ATP13A5: variants seen among roughly 807,000 people sequenced by gnomAD.
ATP13A5 encodes the protein probable cation-transporting ATPase 13A5.
A neutral mutation model predicts 150.2 loss-of-function variants in ATP13A5; 149 were observed. That is an observed-to-expected ratio of 0.99 (90% confidence interval 0.87 to 1.14). ATP13A5 has a LOEUF of 1.14. Ranked by LOEUF, ATP13A5 falls within the 50% of genes most tolerant of loss-of-function variation. The pLI, the probability that ATP13A5 is intolerant of heterozygous loss-of-function variation, is 0.00. For synonymous variants in ATP13A5, 497 were observed against 522.2 expected, an observed-to-expected ratio of 0.95 and a Z score of 0.66; for missense variants, 1,383 against 1,449.3, an observed-to-expected ratio of 0.95 and a Z score of 0.74.
Position 193,275,274 on chromosome 3 carries a change from C to T in ATP13A5, c.3425G>A (p.Trp1142Ter). The stretch of plus-strand genomic sequence containing the variant: ...TCCAAATTCTCTTTTGATCAACAGC[C>T]AGAGTTCATGATTTTGAAGGATGGA... Reference protein sequence around the residue: ...EDSILQNHELWLLIKREFGFY... With the variant: ...EDSILQNHEL The change falls in exon 30 of 30, where the codon TGG becomes TAG. Residue 1142 changes from tryptophan to a stop codon, truncating the protein, a stop_gained. Transcript: ENST00000342358. LOFTEE classifies it high-confidence loss of function. The T allele has an allele frequency of 1.9e-6, 3 of 1,613,784 alleles. No individual in the cohort carries two copies. The highest frequency in any genetic ancestry group is 1.1e-5 in the South Asian group (1 of 91,064).
intron 3 of ATP13A5, 116 bp from the exon 4 acceptor site, chr3:193,362,753 CTTTCTTTCTTTCT>C (rs1260888026): frequency 7.6e-5 from 5 of 65,768 alleles, no homozygotes; most frequent in African/African-American, 5.4e-4. Context: ...TGCTTTCCTT[CTTTCTTTCTTTCT>C]TTCTTTCTTT....
intron 1 of ATP13A5, among the ~76,000 whole-genome samples, chr3:193,365,874 A>C (rs1040036407): frequency 1.3e-5 from 2 of 152,120 alleles, no homozygotes; most frequent in Admixed American, 6.6e-5. Context: ...CAATGAAAGC[A>C]CTACAGCTAT....
intron 16 of ATP13A5, among the ~76,000 whole-genome samples, chr3:193,319,871 T>C (rs1458257596): frequency 6.6e-6 from 1 of 152,224 alleles, no homozygotes; most frequent in Non-Finnish European, 1.5e-5. Flanking sequence ...TGATTGTTCA[T>C]TGTCTATGGC....
chr3:193,285,042 G>A lies in ATP13A5; in HGVS notation c.3098C>T (p.Thr1033Ile). 1 of 1,614,064 alleles carries A rather than the reference G, an allele frequency of 6.2e-7. No individual in the cohort carries two copies. Among genetic ancestry groups the A allele is most frequent in the South Asian group, 1.1e-5 (1 of 91,080 alleles). ...SLERNWTGNA[T>I]LIPGSILSFE... ...ACTTAAAATTGAACCAGGAATCAGA[G>A]TTGCATTTCCAGTCCAGTTTCTTTC... The change falls in exon 27 of 30, where the codon ACT becomes ATT. Residue 1033 changes from threonine to isoleucine, a missense_variant. This residue lies in a region of ATP13A5 where 568 missense variants were observed against 621.5 expected (regional missense o/e 0.91). Transcript: ENST00000342358.
chr3:193,302,208 T>C (rs1043687845), intron 23 of ATP13A5, among the ~76,000 whole-genome samples: 1 of 152,068 alleles, frequency 6.6e-6, no homozygotes, highest in Non-Finnish European at 1.5e-5. Context: ...AACAGGGACA[T>C]GAAAAGAAGA....
chr3:193,300,062 T>C (rs966784873), intron 24 of ATP13A5, among the ~76,000 whole-genome samples: 8 of 152,172 alleles, frequency 5.3e-5, no homozygotes, highest in Admixed American at 1.3e-4. Flanking sequence ...TCTACCTCCA[T>C]CCGTGGAGGC....
intron 13 of ATP13A5, 45 bp from the exon 14 acceptor site, chr3:193,325,059 C>T: frequency 6.3e-7 from 1 of 1,582,606 alleles, no homozygotes; most frequent in Non-Finnish European, 8.6e-7. Context: ...AATCATTTTG[C>T]ACATTCTGTC....
chr3:193,375,392 C>T (rs61486366), intron 1 of ATP13A5, among the ~76,000 whole-genome samples: 1 of 151,920 alleles, frequency 6.6e-6, no homozygotes, highest in Non-Finnish European at 1.5e-5. Context: ...AGATTTATTT[C>T]GGGTCTTATG....
intron 1 of ATP13A5, among the ~76,000 whole-genome samples, chr3:193,376,403 GC>G (rs1449759701): frequency 1.3e-5 from 2 of 152,054 alleles, no homozygotes; most frequent in African/African-American, 4.8e-5. Context: ...AGAAAAACAG[GC>G]TTTTGCTATG....
At chr3:193,306,507 T>G (rs906728476) in intron 22 of ATP13A5, among the ~76,000 whole-genome samples, 2 of 152,208 alleles carry the variant, frequency 1.3e-5, no homozygotes, top group African/African-American at 4.8e-5. Context: ...AATTTCTAGC[T>G]ATAAACACAG....
intron 1 of ATP13A5, among the ~76,000 whole-genome samples, chr3:193,378,458 G>A (rs1363339911): frequency 6.6e-6 from 1 of 152,210 alleles, no homozygotes; most frequent in Non-Finnish European, 1.5e-5. Context: ...CTATCATCCA[G>A]AGGTCACAAG....
Position 193,364,228 on chromosome 3 carries a change from G to A in ATP13A5, c.116C>T (p.Ala39Val). 1 of 1,614,126 alleles carries A rather than the reference G, an allele frequency of 6.2e-7. No individual in the cohort carries two copies. Among genetic ancestry groups the A allele is most frequent in the Non-Finnish European group, 8.5e-7 (1 of 1,179,974 alleles). Residue 39 changes from alanine (A) to valine (V), a missense_variant, in exon 2 of 30, where the codon GCA becomes GTA. Transcript: ENST00000342358. ...HNVRKAFCLV[A>V]SVLTCGGLLL... ...AAGGCCCCCACAGGTCAGCACGGAT[G>A]CGACAAGGCAGAAGGCTTTCCGTAC...
chr3:193,309,978 C>T (rs970029555), intron 21 of ATP13A5, among the ~76,000 whole-genome samples: 1 of 152,116 alleles, frequency 6.6e-6, no homozygotes, highest in Admixed American at 6.5e-5. Flanking sequence ...AGGAATTAAG[C>T]CCAGTACCCA....
intron 6 of ATP13A5, among the ~76,000 whole-genome samples, chr3:193,353,838 T>C (rs913509517): frequency 2.0e-5 from 3 of 152,074 alleles, no homozygotes; most frequent in Admixed American, 2.0e-4. Flanking sequence ...TGACATTTTG[T>C]TATAGCAACC....
At chr3:193,341,892 A>C (rs1299830248) in intron 9 of ATP13A5, among the ~76,000 whole-genome samples, 1 of 152,248 alleles carries the variant, frequency 6.6e-6, no homozygotes, top group Non-Finnish European at 1.5e-5. Context: ...GATACTATTG[A>C]TGGGAATACC....
intron 6 of ATP13A5, among the ~76,000 whole-genome samples, chr3:193,352,949 T>A (rs985669245): frequency 6.6e-6 from 1 of 151,914 alleles, no homozygotes; most frequent in African/African-American, 2.4e-5. Context: ...TAGGAGCCCC[T>A]TTCTCGGAGG....
chr3:193,343,867 G>A, intron 9 of ATP13A5, 60 bp downstream of exon 9: 1 of 1,568,364 alleles, frequency 6.4e-7, no homozygotes. Flanking sequence ...GGTAGGTGAG[G>A]ATATGTTGAT....
chr3:193,365,700 G>A (rs1229249527), intron 1 of ATP13A5, among the ~76,000 whole-genome samples: 5 of 152,182 alleles, frequency 3.3e-5, no homozygotes, highest in South Asian at 2.1e-4. Context: ...TGGAATTTTA[G>A]TCTAGCTTGT....
chr3:193,332,048 C>T (rs1035849343), intron 11 of ATP13A5, among the ~76,000 whole-genome samples: 3 of 152,202 alleles, frequency 2.0e-5, no homozygotes, highest in Admixed American at 1.3e-4. Flanking sequence ...GGCTGTGTCC[C>T]GACCCAAATC....
Sources: allele counts gnomAD v4.1 joint callset (sites outside exome capture counted in the v4.1 genomes callset), GRCh38; gene constraint gnomAD v4.1.1; regional missense constraint gnomAD v4.1.1; transcripts MANE v1.5; gene names NCBI Gene and HGNC (gene_info 2026-07-23, HGNC 2026-07-21).